AIPL1: variants seen among roughly 807,000 people sequenced by gnomAD.
AIPL1 encodes the protein aryl-hydrocarbon-interacting protein-like 1.
A neutral mutation model predicts 32.9 loss-of-function variants in AIPL1; 23 were observed. The observed-to-expected ratio is 0.70, with a 90% CI of 0.50 to 0.99. The LOEUF (loss-of-function observed/expected upper bound fraction) is 0.99. AIPL1 is among the 50% of genes least tolerant of loss of function. The pLI is 0.00. For synonymous variants in AIPL1, 210 were observed against 209.4 expected (o/e 1.00, Z -0.02); for missense variants, 485 against 506.0 (o/e 0.96, Z 0.40).
Position 6,425,614 on chromosome 17 carries a change from G to A in AIPL1, c.1001C>T (p.Pro334Leu), listed in dbSNP as rs1246989219. The A allele has an allele frequency of 3.7e-6, 6 of 1,613,090 alleles. No individual in the cohort carries two copies. The highest frequency in any genetic ancestry group is 5.1e-6 in the Non-Finnish European group (6 of 1,179,876). Residue 334 changes from proline to leucine, a missense_variant, in exon 6 of 6, where the codon CCT (proline) becomes CTT (leucine). Coordinates refer to ENST00000381129, the MANE Select transcript of AIPL1 (RefSeq NM_014336.5). The stretch of plus-strand genomic sequence containing the variant: ...TGGCTCTGTGGGTGGCTCTGCGGGA[G>A]GCTGCGTGGCACCCTGGCTCAGCAT... ...RNMLSQGATQ[P>L]PAEPPTEPPA... is the part of the protein sequence containing the mutation.
In AIPL1 at chr17:6,423,945, C is replaced by G. The variant is rs1911665007; in HGVS notation, c.*1515G>C. On this transcript the variant is annotated 3_prime_UTR_variant, in exon 6 of 6. Coordinates refer to ENST00000381129, the MANE Select transcript of AIPL1 (RefSeq NM_014336.5). Reference sequence around the variant, plus strand: ...CAAGCTCTGGGGCAGAAGAGAAGCCCAGGAAGCCCTTGGCAGTTGACTACG... The same window carrying G: ...CAAGCTCTGGGGCAGAAGAGAAGCCGAGGAAGCCCTTGGCAGTTGACTACG... 1 of 152,296 alleles carries G rather than the reference C, an allele frequency of 6.6e-6. No homozygotes were observed. The highest frequency in any genetic ancestry group is 6.5e-5 in the Admixed American group (1 of 15,292). 9.4% of individuals were successfully genotyped at this position (152,296 alleles called of 1,614,324 possible).
Position 6,435,060 on chromosome 17 carries a change from G to T in AIPL1, c.45C>A (p.Thr15=). 6.2e-7 allele frequency: 1 copy of T among 1,614,214 alleles called. No homozygotes were observed. Among genetic ancestry groups the T allele is most frequent in the Non-Finnish European group, 8.5e-7 (1 of 1,180,032 alleles). Residue 15 remains threonine (T), a synonymous_variant, in exon 1 of 6, where the codon ACC becomes ACA. Transcript: ENST00000381129. ...LLLNVEGVKK[T]ILHGGTGELP... Reference sequence around the variant, plus strand: ...GCTCGCCCGTGCCCCCGTGCAGAATGGTTTTCTTGACCCCTTCCACGTTCA... The same window carrying T: ...GCTCGCCCGTGCCCCCGTGCAGAATTGTTTTCTTGACCCCTTCCACGTTCA...
rs575222799 is a variant in AIPL1, at chr17:6,427,170, C to G, written c.466-113G>C. The G allele has an allele frequency of 7.7e-6, 9 of 1,166,286 alleles. No homozygotes were observed. In the East Asian group the frequency reaches 2.2e-4, roughly 28 times the overall value. 72.2% of individuals were successfully genotyped at this position (1,166,286 alleles called of 1,614,324 possible). A position where few individuals can be genotyped will look rare whatever the true frequency, so the allele number is the denominator to read the frequency against. ...TCTCCCTGAAGTCATGCTTGCTGGTCAAGTGCATACAGACAAGGGAAAGAA... is the reference window on the plus strand; with the variant it reads ...TCTCCCTGAAGTCATGCTTGCTGGTGAAGTGCATACAGACAAGGGAAAGAA... On this transcript the variant is annotated intron_variant, in intron 3 of 5. Transcript: ENST00000381129.
chr17:6,425,930 G>A lies in AIPL1; in HGVS notation c.785-100C>T, dbSNP rs1201566978. On this transcript the variant is annotated intron_variant, in intron 5 of 5. Coordinates refer to ENST00000381129, the MANE Select transcript of AIPL1 (RefSeq NM_014336.5). The stretch of plus-strand genomic sequence containing the variant: ...ACCAGCCTCCAAGACCCTCAGCCCC[G>A]CCATGATCCTTAACCTCTCTGTATC... 5 of 1,459,580 alleles carry A rather than the reference G, an allele frequency of 3.4e-6. No individual in the cohort carries two copies. The East Asian group carries it at 7.4e-5, about 22-fold the overall frequency. The allele number at this position is 1,459,580 out of a possible 1,614,324, so 90.4% of individuals were successfully genotyped here.
chr17:6,427,122 G>A lies in AIPL1; in HGVS notation c.466-65C>T, dbSNP rs1243316539. 49 of 1,564,190 alleles carry A rather than the reference G, an allele frequency of 3.1e-5. 1 individual carries two copies. Among genetic ancestry groups the A allele is most frequent in the Admixed American group, 2.0e-4 (12 of 59,770 alleles). On this transcript the variant is annotated intron_variant, in intron 3 of 5. Transcript: ENST00000381129. ...GGGGCCTGCACCCCATCAGAGACCC[G>A]AAAAACAGGACCCTGTGGCACATCT...
chr17:6,433,611 TCACA>T lies in AIPL1; in HGVS notation c.276+304_276+307del, dbSNP rs541117064. On this transcript the variant is annotated intron_variant, in intron 2 of 5. Coordinates refer to ENST00000381129, the MANE Select transcript of AIPL1 (RefSeq NM_014336.5). ...ATCTCTCTCTCTCTCTCTCTCTCTC[TCACA>T]CACACACACACACACACACACACAC... Among the ~76,000 whole-genome samples the T allele has an allele frequency of 5.1e-3, 545 of 106,090 alleles. 7 individuals are homozygous for T. The highest frequency in any genetic ancestry group is 0.015 in the African/African-American group (408 of 26,854). The allele number at this position is 106,090 out of a possible 152,430, so 69.6% of individuals were successfully genotyped here. A position where few individuals can be genotyped will look rare whatever the true frequency, so the allele number is the denominator to read the frequency against.
rs145403101 is a variant in AIPL1 at position 6,427,438 on chromosome 17, A to G, written c.466-381T>C. Reference sequence around the variant, plus strand: ...ACCTTGTGCAGTGCACAGACCACACAACTGTGACAGCAAGCCTGTAAGGGC... The same window carrying G: ...ACCTTGTGCAGTGCACAGACCACACGACTGTGACAGCAAGCCTGTAAGGGC... On this transcript the variant is annotated intron_variant, in intron 3 of 5. Coordinates refer to ENST00000381129, the MANE Select transcript of AIPL1 (RefSeq NM_014336.5). Among the ~76,000 whole-genome samples, 494 of 152,368 alleles carry G rather than the reference A, an allele frequency of 3.2e-3. 2 individuals carry two copies. Among genetic ancestry groups the G allele is most frequent in the African/African-American group, 0.011 (472 of 41,590 alleles).
intron 2 of AIPL1, among the ~76,000 whole-genome samples, chr17:6,429,881 G>A (rs4796491): frequency 0.3 from 45,794 of 151,922 alleles, 7,707 homozygotes; most frequent in Admixed American, 0.38. Context: ...ATAGATACAC[G>A]AATGATAGGA....
intron 5 of AIPL1, 114 bp from the exon 6 acceptor site, chr17:6,425,944 CCT>C: frequency 7.2e-7 from 1 of 1,388,350 alleles, no homozygotes; most frequent in Non-Finnish European, 9.7e-7. Flanking sequence ...TGATCCTTAA[CCT>C]CTCTGTATCC....
chr17:6,434,132 A>G, intron 1 of AIPL1, 34 bp from the exon 2 acceptor site: 1 of 1,606,956 alleles, frequency 6.2e-7, no homozygotes, highest in Non-Finnish European at 8.5e-7. Context: ...TGCTCTAGAC[A>G]CACTGTTCAA....
chr17:6,430,370 C>A (rs1342923279), intron 2 of AIPL1, among the ~76,000 whole-genome samples: 2 of 146,146 alleles, frequency 1.4e-5, no homozygotes, highest in Non-Finnish European at 3.0e-5. Flanking sequence ...GCAGGAGAAT[C>A]GCTTGAACCC....
chr17:6,431,487 T>C (rs1397328003), intron 2 of AIPL1, among the ~76,000 whole-genome samples: 2 of 151,792 alleles, frequency 1.3e-5, no homozygotes, highest in Non-Finnish European at 2.9e-5. Flanking sequence ...CTCAAAATAA[T>C]AGCTCTCATT....
intron 5 of AIPL1, chr17:6,426,060 CTT>C: frequency 8.7e-7 from 1 of 1,153,308 alleles, no homozygotes; most frequent in Non-Finnish European, 1.2e-6. Context: ...ATATTCATAA[CTT>C]TGTTTTATTT....
chr17:6,425,527 G>A lies in AIPL1; in HGVS notation c.1088C>T (p.Ser363Phe), dbSNP rs1241141763. 1 of 1,612,014 alleles carries A rather than the reference G, an allele frequency of 6.2e-7. No individual in the cohort carries two copies. Among genetic ancestry groups the A allele is most frequent in the Non-Finnish European group, 8.5e-7 (1 of 1,179,726 alleles). The change falls in exon 6 of 6, where the codon TCC becomes TTC. Residue 363 changes from serine (S) to phenylalanine (F), a missense_variant. Ser to Phe is a radical substitution (Grantham distance 155). Coordinates refer to ENST00000381129, the MANE Select transcript of AIPL1 (RefSeq NM_014336.5). ...EPPTAPSAEL[S>F]AGPPAEPATE... is the part of the protein sequence containing the mutation. ...GGCTGGCTCTGCAGGGGGCCCTGCG[G>A]ACAGCTCTGCAGATGGTGCTGTGGG...
intron 5 of AIPL1, 187 bp downstream of exon 5, chr17:6,426,428 C>T (rs747898176): frequency 1.4e-5 from 21 of 1,455,330 alleles, no homozygotes; most frequent in South Asian, 8.4e-5. Flanking sequence ...TAAAGGGCCG[C>T]CCCGCGCCAA....
chr17:6,434,436 G>A (rs1318543966), intron 1 of AIPL1, among the ~76,000 whole-genome samples: 2 of 142,334 alleles, frequency 1.4e-5, no homozygotes, highest in Non-Finnish European at 3.0e-5. Context: ...TCGGCTCACT[G>A]CAACCTCCAC....
At position 6,427,019 on chromosome 17, in the gene AIPL1, G is replaced by A. The variant is rs1336869514; in HGVS notation, c.504C>T (p.Asn168=). Residue 168 remains asparagine (N), a synonymous_variant, in exon 4 of 6, where the codon AAC becomes AAT. Transcript: ENST00000381129. ...APSDYQRETW[N]LSNHEKMKAV... is the part of the protein sequence containing the mutation. ...CCTTCATCTTCTCATGATTGCTCAGGTTCCAGGTCTCCCTCTGGTAATCAC... is the reference window on the plus strand; with the variant it reads ...CCTTCATCTTCTCATGATTGCTCAGATTCCAGGTCTCCCTCTGGTAATCAC... 2 of 1,614,046 alleles carry A rather than the reference G, an allele frequency of 1.2e-6. No homozygotes were observed. The highest frequency in any genetic ancestry group is 2.2e-5 in the East Asian group (1 of 44,878).
chr17:6,433,223 T>G (rs1355027031), intron 2 of AIPL1, among the ~76,000 whole-genome samples: 1 of 152,134 alleles, frequency 6.6e-6, no homozygotes, highest in Non-Finnish European at 1.5e-5. Flanking sequence ...ACTTGCAATG[T>G]GAGGAGGAGG....
At chr17:6,426,555 G>A (rs750932159) in intron 5 of AIPL1, 60 bp downstream of exon 5, 3 of 1,581,932 alleles carry the variant, frequency 1.9e-6, no homozygotes, top group Non-Finnish European at 2.6e-6. Context: ...GCTATGGCAG[G>A]TGTCTCCGTG....
Sources: allele counts gnomAD v4.1 joint callset (sites outside exome capture counted in the v4.1 genomes callset), GRCh38; gene constraint gnomAD v4.1.1; transcripts MANE v1.5; gene names NCBI Gene and HGNC (gene_info 2026-07-23, HGNC 2026-07-21).